SH3RF1: variants seen among roughly 807,000 people sequenced by gnomAD.
The protein encoded by SH3RF1 is E3 ubiquitin-protein ligase SH3RF1.
A neutral mutation model predicts 74.0 loss-of-function variants in SH3RF1; 32 were observed. The observed-to-expected ratio is 0.43, with a 90% confidence interval of 0.33 to 0.58. The LOEUF (loss-of-function observed/expected upper bound fraction) is 0.58, where lower values mean the gene tolerates loss of function less well. SH3RF1 is among the 20% of genes least tolerant of loss of function. The pLI, the probability that SH3RF1 is intolerant of heterozygous loss-of-function variation, is 0.05. For synonymous variants in SH3RF1, 396 were observed against 439.6 expected (o/e 0.90, Z 1.24); for missense variants, 954 against 1,130.9 (o/e 0.84, Z 2.24).
chr4:169,232,948 T>C (rs1312639237), intron 2 of SH3RF1, among the ~76,000 whole-genome samples: 1 of 152,056 alleles, frequency 6.6e-6, no homozygotes, highest in African/African-American at 2.4e-5. Context: ...ATGCAGCAGA[T>C]TATATTAATG....
chr4:169,254,590 T>TG (rs1731155141), intron 2 of SH3RF1, among the ~76,000 whole-genome samples: 1 of 151,492 alleles, frequency 6.6e-6, no homozygotes. Flanking sequence ...ACTCGAGAGA[T>TG]GGGGGAAACT....
Position 169,144,398 on chromosome 4 carries a change from C to T in SH3RF1, c.766-7778G>A, listed in dbSNP as rs373862892. Among the ~76,000 whole-genome samples the T allele has an allele frequency of 2.6e-3, 390 of 152,292 alleles. 2 individuals are homozygous for T. The highest frequency in any genetic ancestry group is 8.8e-3 in the African/African-American group (367 of 41,546). ...CAAAATATTCAATAGGCAAAGACTT[C>T]TGTGTTGGGAATAGGGTCCTCAGGT... is the stretch of plus-strand genomic sequence containing the variant. On this transcript the variant is annotated intron_variant, in intron 4 of 11. Coordinates refer to ENST00000284637, the MANE Select transcript of SH3RF1 (RefSeq NM_020870.4).
Position 169,217,838 on chromosome 4 carries a change from T to C in SH3RF1, c.393+50982A>G, listed in dbSNP as rs1730491924. 2.6e-5 allele frequency among the ~76,000 whole-genome samples: 4 copies of C among 152,184 alleles called. No individual in the cohort carries two copies. The South Asian group carries it at 8.3e-4, about 32-fold the overall frequency. ...GAACCGTATACTTTAAAATGTTAAGTCTTATGCACATTTTACCAAAAAACA... is the reference window on the plus strand; with the variant it reads ...GAACCGTATACTTTAAAATGTTAAGCCTTATGCACATTTTACCAAAAAACA... On this transcript the variant is annotated intron_variant, in intron 2 of 11. Coordinates refer to ENST00000284637, the MANE Select transcript of SH3RF1 (RefSeq NM_020870.4).
chr4:169,227,674 C>T (rs1401932793), intron 2 of SH3RF1, among the ~76,000 whole-genome samples: 5 of 152,218 alleles, frequency 3.3e-5, no homozygotes, highest in Non-Finnish European at 7.3e-5. Flanking sequence ...CAATTACTCT[C>T]TCTGTGTGCC....
chr4:169,148,758 C>T (rs1733931465), intron 4 of SH3RF1, among the ~76,000 whole-genome samples: 1 of 151,900 alleles, frequency 6.6e-6, no homozygotes, highest in South Asian at 2.1e-4. Flanking sequence ...TGTTTTGTTG[C>T]ATACGAAAAT....
intron 11 of SH3RF1, among the ~76,000 whole-genome samples, chr4:169,099,711 T>C (rs971636546): frequency 1.2e-4 from 18 of 152,210 alleles, no homozygotes; most frequent in Admixed American, 1.1e-3. Flanking sequence ...AATATATGCA[T>C]TTTATAAAAT....
At chr4:169,098,813 C>T (rs1732971446) in intron 11 of SH3RF1, among the ~76,000 whole-genome samples, 1 of 152,210 alleles carries the variant, frequency 6.6e-6, no homozygotes, top group Non-Finnish European at 1.5e-5. Context: ...CAGTCTGTTT[C>T]CTCATCTGTA....
Position 169,120,907 on chromosome 4 carries a change from G to A in SH3RF1, c.1429C>T (p.Arg477Cys), listed in dbSNP as rs764717905. Residue 477 changes from arginine (R) to cysteine (C), a missense_variant, in exon 8 of 12, where the codon CGC becomes TGC. Arg to Cys is a radical substitution (Grantham distance 180). Transcript: ENST00000284637. ...CCTTTGAACCAGCCATCCTGGCAGC[G>A]CTCAAACACTAAAAACATCTCCCCT... Reference protein sequence around the residue: ...RKGEMFLVFERCQDGWFKGTS... With the variant: ...RKGEMFLVFECCQDGWFKGTS... The A allele has an allele frequency of 6.2e-6, 10 of 1,614,004 alleles. 1 individual carries two copies. In the South Asian group the frequency reaches 6.6e-5, roughly 11 times the overall value.
At position 169,096,385 on chromosome 4, in the gene SH3RF1, G is replaced by T; in HGVS notation, c.*134C>A. ...TGCTCGCTGGGGTAACTGTGCTGGG[G>T]CATCAGAGTCACATACCAATCCTTT... On this transcript the variant is annotated 3_prime_UTR_variant, in exon 12 of 12. Coordinates refer to ENST00000284637, the MANE Select transcript of SH3RF1 (RefSeq NM_020870.4). 2 of 880,164 alleles carry T rather than the reference G, an allele frequency of 2.3e-6. No homozygotes were observed. Among genetic ancestry groups the T allele is most frequent in the Non-Finnish European group, 3.5e-6 (2 of 572,226 alleles). The allele number at this position is 880,164 out of a possible 1,614,324, so 54.5% of individuals were successfully genotyped here.
intron 2 of SH3RF1, chr4:169,220,339 AT>A (rs1254861813): frequency 1.3e-5 from 2 of 152,260 alleles, no homozygotes; most frequent in African/African-American, 2.4e-5. Flanking sequence ...AATAAATTTC[AT>A]TTTAAATACA....
intron 11 of SH3RF1, among the ~76,000 whole-genome samples, chr4:169,102,348 T>C (rs920187364): frequency 1.3e-5 from 2 of 152,166 alleles, no homozygotes; most frequent in African/African-American, 4.8e-5. Flanking sequence ...CCAATTTGTA[T>C]GTTTCCAAGT....
At chr4:169,256,504 A>G (rs1731196824) in intron 2 of SH3RF1, among the ~76,000 whole-genome samples, 1 of 152,262 alleles carries the variant, frequency 6.6e-6, no homozygotes, top group African/African-American at 2.4e-5. Flanking sequence ...AGCTGTTTAA[A>G]ACAGAACGAA....
intron 10 of SH3RF1, among the ~76,000 whole-genome samples, chr4:169,111,667 AT>A (rs2126940474): frequency 6.6e-6 from 1 of 152,328 alleles, no homozygotes; most frequent in South Asian, 2.1e-4. Context: ...AGTTGATCAA[AT>A]AATGAAGACT....
Position 169,122,114 on chromosome 4 carries a change from C to G in SH3RF1, c.1332G>C (p.Gln444His). 6.2e-7 allele frequency: 1 copy of G among 1,612,582 alleles called. No individual in the cohort carries two copies. Among genetic ancestry groups the G allele is most frequent in the Non-Finnish European group, 8.5e-7 (1 of 1,179,966 alleles). ...STDQIAHLRP[Q>H]TRPSVYVAIY... ...CGCTCACTTACACACTGGGGCGAGTCTGCGGCCGTAAATGTGCAATCTGGT... is the reference window on the plus strand; with the variant it reads ...CGCTCACTTACACACTGGGGCGAGTGTGCGGCCGTAAATGTGCAATCTGGT... Residue 444 changes from glutamine (Q) to histidine (H), a missense_variant, in exon 7 of 12, where the codon CAG becomes CAC. Transcript: ENST00000284637.
At chr4:169,172,204 G>A (rs982305168) in intron 2 of SH3RF1, among the ~76,000 whole-genome samples, 1 of 152,168 alleles carries the variant, frequency 6.6e-6, no homozygotes, top group Admixed American at 6.5e-5. Context: ...AAAAAGCCAC[G>A]ACCAGCTCAG....
intron 1 of SH3RF1, among the ~76,000 whole-genome samples, chr4:169,270,326 G>A (rs1027756998): frequency 6.6e-6 from 1 of 152,070 alleles, no homozygotes; most frequent in Admixed American, 6.5e-5. Context: ...GCCAGGTGTC[G>A]GCGGCACCCG....
rs562803655 is a variant in SH3RF1, at chr4:169,197,697, A to C, written c.394-41018T>G. ...ATGTCTTATAAAACAAATTGTGTAC[A>C]GAATGATGTAATAACCCTTTCATAA... On this transcript the variant is annotated intron_variant, in intron 2 of 11. Transcript: ENST00000284637. Among the ~76,000 whole-genome samples, 18 of 152,008 alleles carry C rather than the reference A, an allele frequency of 1.2e-4. No homozygotes were observed. In the South Asian group the frequency reaches 3.7e-3, roughly 32 times the overall value.
At chr4:169,102,915 CTTTTTTTTTTTTT>C (rs66574732) in intron 11 of SH3RF1, among the ~76,000 whole-genome samples, 1 of 66,876 alleles carries the variant, frequency 1.5e-5, no homozygotes, top group African/African-American at 6.6e-5. Flanking sequence ...CAGTCACATT[CTTTTTTTTTTTTT>C]TTTTTTTTTT....
Position 169,184,804 on chromosome 4 carries a change from T to C in SH3RF1, c.394-28125A>G, listed in dbSNP as rs145312383. On this transcript the variant is annotated intron_variant, in intron 2 of 11. Coordinates refer to ENST00000284637, the MANE Select transcript of SH3RF1 (RefSeq NM_020870.4). ...ACTCTAGGGTGTACAATCTAAATCATATCTTGATTAGCATCACCTAAACCT... is the reference window on the plus strand; with the variant it reads ...ACTCTAGGGTGTACAATCTAAATCACATCTTGATTAGCATCACCTAAACCT... Among the ~76,000 whole-genome samples the C allele has an allele frequency of 2.2e-3, 338 of 152,332 alleles. 1 individual carries two copies. The highest frequency in any genetic ancestry group is 4.0e-3 in the Non-Finnish European group (275 of 68,026).
Sources: allele counts gnomAD v4.1 joint callset (sites outside exome capture counted in the v4.1 genomes callset), GRCh38; gene constraint gnomAD v4.1.1; transcripts MANE v1.5; gene names NCBI Gene and HGNC (gene_info 2026-07-23, HGNC 2026-07-21).